Variants in DLG1 observed in about 807,000 individuals in gnomAD.
The protein encoded by DLG1 is disks large homolog 1.
In DLG1, 42 loss-of-function variants were observed where a neutral mutation model predicts 123.4. That is an observed-to-expected ratio of 0.34 (90% CI 0.27 to 0.44). The LOEUF (loss-of-function observed/expected upper bound fraction) is 0.44, where lower values mean the gene tolerates loss of function less well. Ranked by LOEUF, DLG1 falls within the 20% of genes least tolerant of loss-of-function variation. DLG1 has a pLI of 1.00. For missense variants in DLG1, 942 were observed against 1,082.6 expected (o/e 0.87, Z 1.82); for synonymous variants, 317 against 356.2 (o/e 0.89, Z 1.24).
chr3:197,175,437 AT>A (rs1290931445), intron 5 of DLG1, among the ~76,000 whole-genome samples: 1 of 152,132 alleles, frequency 6.6e-6, no homozygotes, highest in Non-Finnish European at 1.5e-5. Flanking sequence ...ATGCTTCACA[AT>A]TTTTTCACAG....
Position 197,130,512 on chromosome 3 carries a change from T to A in DLG1, c.1165+15A>T. ...AGTAAGATAAATTTAAGCAAACGTA[T>A]GCTAACAGACTTACAGTTGGTGATA... On this transcript the variant is annotated intron_variant, in intron 11 of 24. Transcript: ENST00000667157. 1 of 1,572,148 alleles carries A rather than the reference T, an allele frequency of 6.4e-7. No homozygotes were observed. Among genetic ancestry groups the A allele is most frequent in the African/African-American group, 1.4e-5 (1 of 73,908 alleles).
At chr3:197,060,274 G>A (rs967239108) in intron 22 of DLG1, among the ~76,000 whole-genome samples, 1 of 152,196 alleles carries the variant, frequency 6.6e-6, no homozygotes, top group Non-Finnish European at 1.5e-5. Context: ...TCAAAATGGT[G>A]AAAAATAGAG....
chr3:197,095,728 A>C (rs1760285711), intron 14 of DLG1, among the ~76,000 whole-genome samples: 1 of 152,160 alleles, frequency 6.6e-6, no homozygotes, highest in Non-Finnish European at 1.5e-5. Flanking sequence ...ACAATTCTCC[A>C]TTCTCATCAA....
At chr3:197,148,846 A>G (rs1577093570) in intron 6 of DLG1, among the ~76,000 whole-genome samples, 2 of 152,232 alleles carry the variant, frequency 1.3e-5, no homozygotes, top group East Asian at 3.8e-4. Flanking sequence ...CATTATCACG[A>G]AATTGCGGCA....
rs142254983 is a variant in DLG1 at position 197,283,491 on chromosome 3, A to C, written c.152-646T>G. Reference sequence around the variant, plus strand: ...AACAATCAGTTAAAGTCATGACAAAACTCTAAAATAAATGATAAATTTATT... The same window carrying C: ...AACAATCAGTTAAAGTCATGACAAACCTCTAAAATAAATGATAAATTTATT... On this transcript the variant is annotated intron_variant, in intron 3 of 24. Transcript: ENST00000667157. Among the ~76,000 whole-genome samples, 1,476 of 152,302 alleles carry C rather than the reference A, an allele frequency of 9.7e-3. 18 individuals carry two copies. Among genetic ancestry groups the C allele is most frequent in the African/African-American group, 0.023 (960 of 41,576 alleles).
intron 4 of DLG1, among the ~76,000 whole-genome samples, chr3:197,256,023 T>A (rs1194148873): frequency 1.3e-5 from 2 of 152,194 alleles, no homozygotes; most frequent in Non-Finnish European, 2.9e-5. Context: ...TTGGGAATTA[T>A]TAGATGATGT....
chr3:197,046,405 A>G (rs1723091984), intron 24 of DLG1, among the ~76,000 whole-genome samples: 2 of 152,236 alleles, frequency 1.3e-5, no homozygotes, highest in Non-Finnish European at 2.9e-5. Context: ...TAACCATGTG[A>G]TTAAAATTAG....
chr3:197,093,846 T>A (rs1759163708), intron 14 of DLG1, among the ~76,000 whole-genome samples: 1 of 152,206 alleles, frequency 6.6e-6, no homozygotes, highest in Non-Finnish European at 1.5e-5. Flanking sequence ...ACTGTGACCT[T>A]GCAATTTCCC....
chr3:197,269,472 TCTC>T (rs780997553), intron 4 of DLG1, among the ~76,000 whole-genome samples: 26 of 152,210 alleles, frequency 1.7e-4, no homozygotes, highest in Admixed American at 3.3e-4. Flanking sequence ...TAGTTCTTTC[TCTC>T]CTTATTTTAA....
chr3:197,206,000 G>C (rs1728319579), intron 4 of DLG1, among the ~76,000 whole-genome samples: 1 of 152,090 alleles, frequency 6.6e-6, no homozygotes, highest in Admixed American at 6.5e-5. Context: ...AATAATTTAG[G>C]ATAATCTCCC....
chr3:197,164,699 C>T (rs549505690), intron 5 of DLG1, among the ~76,000 whole-genome samples: 12 of 147,262 alleles, frequency 8.1e-5, no homozygotes, highest in African/African-American at 2.5e-4. Context: ...TTTAGGAGTT[C>T]GAGACCAGCC....
At chr3:197,282,929 A>G in intron 3 of DLG1, 84 bp from the exon 4 acceptor site, 1 of 723,642 alleles carries the variant, frequency 1.4e-6, no homozygotes, top group Non-Finnish European at 2.2e-6. Context: ...ACTCAAAAGC[A>G]CAATTTTTAC....
In DLG1 at chr3:197,059,873, A is replaced by G; in HGVS notation, c.2483+16T>C. The G allele has an allele frequency of 6.5e-7, 1 of 1,544,220 alleles. No individual in the cohort carries two copies. Among genetic ancestry groups the G allele is most frequent in the Non-Finnish European group, 9.0e-7 (1 of 1,116,962 alleles). On this transcript the variant is annotated intron_variant, in intron 23 of 24. Coordinates refer to ENST00000667157, the MANE Select transcript of DLG1 (RefSeq NM_001366207.1). ...AATTTGTACACAGAGGCTATGCCTT[A>G]GGCATTTACACTTACATGATATTTT...
At chr3:197,173,114 A>G (rs924470342) in intron 5 of DLG1, among the ~76,000 whole-genome samples, 3 of 152,028 alleles carry the variant, frequency 2.0e-5, no homozygotes, top group African/African-American at 7.2e-5. Flanking sequence ...CATGTAGTGT[A>G]TTTTTATTGT....
At chr3:197,241,237 A>G (rs9850696) in intron 4 of DLG1, among the ~76,000 whole-genome samples, 87,320 of 151,838 alleles carry the variant, frequency 0.58, 25,434 homozygotes, top group East Asian at 0.79. Context: ...AGGAAGGGAC[A>G]GGAACATTTT....
chr3:197,148,529 C>A (rs913712440), intron 6 of DLG1, among the ~76,000 whole-genome samples: 1 of 151,746 alleles, frequency 6.6e-6, no homozygotes, highest in Non-Finnish European at 1.5e-5. Flanking sequence ...AGAAATATAC[C>A]CATATATTTA....
intron 23 of DLG1, among the ~76,000 whole-genome samples, chr3:197,055,473 G>A (rs913115410): frequency 2.0e-5 from 3 of 152,154 alleles, no homozygotes; most frequent in Admixed American, 1.3e-4. Context: ...TCTGGAGAAC[G>A]AATTCTCTTC....
At chr3:197,069,345 G>T in intron 18 of DLG1, 85 bp from the exon 19 acceptor site, 1 of 844,010 alleles carries the variant, frequency 1.2e-6, no homozygotes, top group Non-Finnish European at 1.8e-6. Context: ...TGAGATATAA[G>T]CCATATATAA....
Position 197,194,446 on chromosome 3 carries a change from A to C in DLG1, c.462T>G (p.His154Gln), listed in dbSNP as rs1468742252. Reference sequence around the variant, plus strand: ...CTACCTTTATTGGTGAAATATGAGAATGAGAAACAAATCCATGGACATTCT... The same window carrying C: ...CTACCTTTATTGGTGAAATATGAGACTGAGAAACAAATCCATGGACATTCT... ...EIENVHGFVS[H>Q]SHISPIKANP... The change falls in exon 5 of 25, where the codon CAT becomes CAG. Residue 154 changes from histidine to glutamine, a missense_variant. Physicochemically the swap from His to Gln is conservative, Grantham distance 24. Transcript: ENST00000667157. 6.3e-7 allele frequency: 1 copy of C among 1,594,210 alleles called. No homozygotes were observed. Among genetic ancestry groups the C allele is most frequent in the Non-Finnish European group, 8.5e-7 (1 of 1,172,524 alleles).
Sources: gnomAD v4.1 joint callset for allele counts (sites outside exome capture counted in the v4.1 genomes callset) on GRCh38, gnomAD v4.1.1 for gene constraint, MANE v1.5 for transcripts, NCBI Gene and HGNC (gene_info 2026-07-23, HGNC 2026-07-21) for gene names.